Variants in AHNAK observed in about 807,000 individuals in gnomAD.
AHNAK encodes neuroblast differentiation-associated protein AHNAK.
A neutral mutation model predicts 37.8 loss-of-function variants in AHNAK; 23 were observed. The observed-to-expected ratio is 0.61, with a 90% confidence interval of 0.44 to 0.86. The LOEUF is 0.86. AHNAK is among the 40% of genes least tolerant of loss of function. The probability of loss-of-function intolerance (pLI) is 0.00; values close to 1 mark genes in which losing one functional copy is unlikely to be tolerated. For synonymous variants in AHNAK, 2,481 were observed against 2,636.3 expected, an observed-to-expected ratio of 0.94 and a Z score of 1.80; for missense variants, 7,411 against 7,319.4, an observed-to-expected ratio of 1.01 and a Z score of -0.46.
At chr11:62,477,542 C>T (rs1274712592) in intron 5 of AHNAK, among the ~76,000 whole-genome samples, 1 of 152,202 alleles carries the variant, frequency 6.6e-6, no homozygotes, top group East Asian at 1.9e-4. Context: ...CCGTGGCTCA[C>T]GCCTGTAATC....
chr11:62,527,026 C>G lies in AHNAK; in HGVS notation c.7391G>C (p.Gly2464Ala), dbSNP rs954084025. The change falls in exon 5 of 5, where the codon GGA (glycine) becomes GCA (alanine). Residue 2464 changes from glycine (G) to alanine (A), a missense_variant. Gly to Ala is a moderately conservative substitution (Grantham distance 60). Transcript: ENST00000378024. Reference sequence around the variant, plus strand: ...ATCCACATCCCCCTTGATTTTGGGTCCTTTGAGATTTAGATCAACATCAGG... The same window carrying G: ...ATCCACATCCCCCTTGATTTTGGGTGCTTTGAGATTTAGATCAACATCAGG... ...SMPDVDLNLK[G>A]PKIKGDVDVS... The G allele has an allele frequency of 6.2e-7, 1 of 1,613,812 alleles. No individual in the cohort carries two copies. Among genetic ancestry groups the G allele is most frequent in the African/African-American group, 1.3e-5 (1 of 74,880 alleles).
intron 1 of AHNAK, among the ~76,000 whole-genome samples, chr11:62,540,745 T>G (rs1378712260): frequency 1.3e-5 from 2 of 152,060 alleles, no homozygotes; most frequent in Non-Finnish European, 2.9e-5. Flanking sequence ...CAGAAAAGAA[T>G]GAGATGGCGA....
chr11:62,442,891 A>G (rs1362490856), intron 5 of AHNAK, among the ~76,000 whole-genome samples: 1 of 152,026 alleles, frequency 6.6e-6, no homozygotes, highest in Non-Finnish European at 1.5e-5. Context: ...GAAAATATTA[A>G]ACAAATTGTA....
Position 62,519,020 on chromosome 11 carries a change from C to A in AHNAK, c.15397G>T (p.Gly5133Cys). 6.2e-7 allele frequency: 1 copy of A among 1,613,600 alleles called. No individual in the cohort carries two copies. The highest frequency in any genetic ancestry group is 8.5e-7 in the Non-Finnish European group (1 of 1,179,620). Reference protein sequence around the residue: ...ELSLPAIHVEGLDIKAKAPKV... With the variant: ...ELSLPAIHVECLDIKAKAPKV... ...GGAGCCTTCGCCTTGATGTCAAGAC[C>A]TTCGACGTGAATCGCTGGCAAAGAA... The change falls in exon 5 of 5, where the codon GGT becomes TGT. Residue 5133 changes from glycine (G) to cysteine (C), a missense_variant. Physicochemically the swap from Gly to Cys is radical, Grantham distance 159. Coordinates refer to ENST00000378024, the MANE Select transcript of AHNAK (RefSeq NM_001620.3).
In AHNAK at chr11:62,530,055, T is replaced by C. The variant is rs199906881; in HGVS notation, c.4362A>G (p.Pro1454=). The C allele has an allele frequency of 5.7e-4, 912 of 1,613,896 alleles. 15 individuals carry two copies. In the South Asian group the frequency reaches 8.4e-3, roughly 15 times the overall value. ...GACCTTTCAAATGCAAACCAACATCTGGTATGGATATCTTCTGAGGCTTTA... is the reference window on the plus strand; with the variant it reads ...GACCTTTCAAATGCAAACCAACATCCGGTATGGATATCTTCTGAGGCTTTA... The part of the protein sequence containing the change: ...MSIKPQKISI[P]DVGLHLKGPK... Residue 1454 remains proline, a synonymous_variant, in exon 5 of 5, where the codon CCA becomes CCG. Transcript: ENST00000378024.
At chr11:62,437,074 C>T (rs1026284881) in intron 5 of AHNAK, among the ~76,000 whole-genome samples, 24 of 152,066 alleles carry the variant, frequency 1.6e-4, no homozygotes, top group African/African-American at 5.8e-4. Context: ...TTCCAGCACC[C>T]CAAAACGTTC....
intron 3 of AHNAK, among the ~76,000 whole-genome samples, 195 bp downstream of exon 3, chr11:62,535,750 T>G (rs923203980): frequency 6.6e-6 from 1 of 151,728 alleles, no homozygotes; most frequent in Non-Finnish European, 1.5e-5. Flanking sequence ...CACAGCTGCC[T>G]CCCCTGAGGA....
chr11:62,546,404 A>G (rs1045711276), intron 1 of AHNAK, among the ~76,000 whole-genome samples: 1 of 152,244 alleles, frequency 6.6e-6, no homozygotes, highest in East Asian at 1.9e-4. Flanking sequence ...CTCCGGAGAA[A>G]TAAAGAGTGG....
rs145924658 is a variant in AHNAK at position 62,519,125 on chromosome 11, T to A, written c.15292A>T (p.Lys5098Ter). 51 of 1,613,726 alleles carry A rather than the reference T, an allele frequency of 3.2e-5. No individual in the cohort carries two copies. The highest frequency in any genetic ancestry group is 1.3e-4 in the Admixed American group (8 of 59,948). The change falls in exon 5 of 5, where the codon AAA becomes TAA. Residue 5098 changes from lysine (K) to a stop codon, truncating the protein, a stop_gained. Transcript: ENST00000378024. LOFTEE classifies it low-confidence loss of function (END_TRUNC). ...MYFPDVEFDIKSPKFKAEAPL... is the reference protein window; with the variant it reads ...MYFPDVEFDI Reference sequence around the variant, plus strand: ...GCCTCAGCTTTAAATTTAGGTGATTTAATGTCAAACTCTACATCTGGGAAG... The same window carrying A: ...GCCTCAGCTTTAAATTTAGGTGATTAAATGTCAAACTCTACATCTGGGAAG...
intron 5 of AHNAK, among the ~76,000 whole-genome samples, chr11:62,439,966 C>T (rs1938268680): frequency 6.6e-6 from 1 of 152,312 alleles, no homozygotes; most frequent in South Asian, 2.1e-4. Context: ...CTGTGCCCGG[C>T]CGCATTTGTC....
intron 4 of AHNAK, among the ~76,000 whole-genome samples, chr11:62,495,126 C>T (rs2134169372): frequency 6.6e-6 from 1 of 152,038 alleles, no homozygotes; most frequent in East Asian, 1.9e-4. Context: ...GTGATCACAC[C>T]ACTGCACTCT....
chr11:62,539,723 G>A (rs1158428125), intron 1 of AHNAK, among the ~76,000 whole-genome samples: 1 of 152,222 alleles, frequency 6.6e-6, no homozygotes, highest in African/African-American at 2.4e-5. Context: ...AGCCCGTGAG[G>A]ACGGGAGCCA....
Position 62,517,047 on chromosome 11 carries a change from A to G in AHNAK, c.17370T>C (p.Ser5790=). 1 of 1,614,212 alleles carries G rather than the reference A, an allele frequency of 6.2e-7. No homozygotes were observed. The highest frequency in any genetic ancestry group is 8.5e-7 in the Non-Finnish European group (1 of 1,180,028). ...SNSFSDEREF[S]GPSTPTGTLE... is the part of the protein sequence containing the mutation. Reference sequence around the variant, plus strand: ...GCGTCCCCGTCGGGGTGGAAGGTCCAGAGAACTCTCTTTCATCACTGAATG... The same window carrying G: ...GCGTCCCCGTCGGGGTGGAAGGTCCGGAGAACTCTCTTTCATCACTGAATG... The change falls in exon 5 of 5, where the codon TCT becomes TCC. Residue 5790 remains serine, a synonymous_variant. Transcript: ENST00000378024.
Position 62,524,807 on chromosome 11 carries a change from C to A in AHNAK, c.9610G>T (p.Gly3204Cys). Residue 3204 changes from glycine to cysteine, a missense_variant, in exon 5 of 5, where the codon GGC becomes TGC. By Grantham distance (159) the Gly-to-Cys change is radical (BLOSUM62 -3). Transcript: ENST00000378024. ...NIEGPDAKLK[G>C]PKFKMPEMNI... ...ATCTCTGGCATCTTGAATTTAGGGC[C>A]CTTCAGTTTCGCATCTGGACCTTCA... is the stretch of plus-strand genomic sequence containing the variant. The A allele has an allele frequency of 6.2e-7, 1 of 1,614,104 alleles. No individual in the cohort carries two copies. Among genetic ancestry groups the A allele is most frequent in the East Asian group, 2.2e-5 (1 of 44,888 alleles).
rs746502216 is a variant in AHNAK at position 62,527,807 on chromosome 11, C to G, written c.6610G>C (p.Val2204Leu). ...KGPKVKGDMD[V>L]SVPKVEGEMK... Reference sequence around the variant, plus strand: ...TCACCTTCTACCTTGGGAACAGACACATCCATATCCCCTTTGACTTTGGGG... The same window carrying G: ...TCACCTTCTACCTTGGGAACAGACAGATCCATATCCCCTTTGACTTTGGGG... The change falls in exon 5 of 5, where the codon GTG becomes CTG. Residue 2204 changes from valine to leucine, a missense_variant. Coordinates refer to ENST00000378024, the MANE Select transcript of AHNAK (RefSeq NM_001620.3). 1 of 1,613,744 alleles carries G rather than the reference C, an allele frequency of 6.2e-7. No individual in the cohort carries two copies. The highest frequency in any genetic ancestry group is 1.3e-5 in the African/African-American group (1 of 74,876).
Position 62,523,778 on chromosome 11 carries a change from C to G in AHNAK, c.10639G>C (p.Asp3547His), listed in dbSNP as rs773490609. ...NIKAPKISMP[D>H]IDLNLKGPKV... The stretch of plus-strand genomic sequence containing the variant: ...GGGCCTTTCAAGTTTAAGTCAATGT[C>G]AGGCATGGAGATCTTGGGAGCTTTG... The change falls in exon 5 of 5, where the codon GAC becomes CAC. Residue 3547 changes from aspartate to histidine, a missense_variant. Transcript: ENST00000378024. The G allele has an allele frequency of 6.2e-7, 1 of 1,614,124 alleles. No individual in the cohort carries two copies. The highest frequency in any genetic ancestry group is 8.5e-7 in the Non-Finnish European group (1 of 1,180,030).
rs755329854 is a variant in AHNAK at position 62,526,951 on chromosome 11, A to T, written c.7466T>A (p.Ile2489Asn). The T allele has an allele frequency of 3.7e-6, 6 of 1,614,182 alleles. No individual in the cohort carries two copies. Among genetic ancestry groups the T allele is most frequent in the Non-Finnish European group, 5.1e-6 (6 of 1,180,024 alleles). ...ATTTACATCAACTTTGGGGCCCCTG[A>T]TGTTCATATCTGGTACTTCAAGTTT... ...EGKLEVPDMNIRGPKVDVNAP... is the reference protein window; with the variant it reads ...EGKLEVPDMNNRGPKVDVNAP... Residue 2489 changes from isoleucine to asparagine, a missense_variant, in exon 5 of 5, where the codon ATC (isoleucine) becomes AAC (asparagine). Coordinates refer to ENST00000378024, the MANE Select transcript of AHNAK (RefSeq NM_001620.3).
chr11:62,530,343 G>A lies in AHNAK; in HGVS notation c.4074C>T (p.Asp1358=), dbSNP rs149654517. ...TAATGTCAACTTTGGGCCCTTTAAT[G>A]TCAACATCTGGCACTTTCATTTCAC... The part of the protein sequence containing the change: ...VEGEMKVPDV[D]IKGPKVDISA... The change falls in exon 5 of 5, where the codon GAC becomes GAT. Residue 1358 remains aspartate (D), a synonymous_variant. Coordinates refer to ENST00000378024, the MANE Select transcript of AHNAK (RefSeq NM_001620.3). 166 of 1,613,174 alleles carry A rather than the reference G, an allele frequency of 1.0e-4. No homozygotes were observed. The highest frequency in any genetic ancestry group is 1.4e-4 in the Non-Finnish European group (162 of 1,179,842).
At chr11:62,458,041 G>A (rs764052877) in intron 5 of AHNAK, among the ~76,000 whole-genome samples, 3 of 151,480 alleles carry the variant, frequency 2.0e-5, no homozygotes, top group Non-Finnish European at 4.4e-5. Context: ...AGCCTCCCGA[G>A]TAGCTGGGAT....
Sources: gnomAD v4.1 joint callset for allele counts (sites outside exome capture counted in the v4.1 genomes callset) on GRCh38, gnomAD v4.1.1 for gene constraint, MANE v1.5 for transcripts, NCBI Gene and HGNC (gene_info 2026-07-23, HGNC 2026-07-21) for gene names.